KCNQ1OT1: variants seen among roughly 807,000 people sequenced by gnomAD.
KCNQ1OT1 encodes the protein KCNQ1 opposite strand/antisense transcript 1.
chr11:2,652,229 AG>A lies in KCNQ1OT1; in HGVS notation n.47765del. 1 of 398,626 alleles carries A rather than the reference AG, an allele frequency of 2.5e-6. No homozygotes were observed. 24.7% of individuals were successfully genotyped at this position (398,626 alleles called of 1,614,324 possible). On this transcript the variant is annotated non_coding_transcript_exon_variant, in exon 1 of 1. Transcript: ENST00000597346. This position sits in a 1 kb window ranked among gnomAD's most constrained non-coding sequence, Gnocchi z 5.9. ...GGCCTGGAGCCGGATGCTGAGAATG[AG>A]GCCTGCAACTCATTTCCCCATTAAA...
In KCNQ1OT1 at chr11:2,657,588, A is replaced by C; in HGVS notation, n.42407T>G. 2.5e-6 allele frequency: 1 copy of C among 398,630 alleles called. No homozygotes were observed. Among genetic ancestry groups the C allele is most frequent in the Non-Finnish European group, 4.4e-6 (1 of 226,062 alleles). The allele number at this position is 398,630 out of a possible 1,614,324, so 24.7% of individuals were successfully genotyped here. A position where few individuals can be genotyped will look rare whatever the true frequency, so the allele number is the denominator to read the frequency against. On this transcript the variant is annotated non_coding_transcript_exon_variant, in exon 1 of 1. Transcript: ENST00000597346. The surrounding 1 kb of genome is among the most constrained non-coding windows in gnomAD (Gnocchi z 4.8). ...TTAGCATCTTATATAACCATGGTAC[A>C]TTGACCAAAACTAAAAAATTAACAT...
In KCNQ1OT1 at chr11:2,663,041, AG is replaced by A. The variant is rs1849997184; in HGVS notation, n.36953del. Reference sequence around the variant, plus strand: ...CGGGACCCATGGTGCTGGGGGCTGCAGGTGTAACCAGAGAACTGGCAGGGTT... The same window carrying A: ...CGGGACCCATGGTGCTGGGGGCTGCAGTGTAACCAGAGAACTGGCAGGGTT... On this transcript the variant is annotated non_coding_transcript_exon_variant, in exon 1 of 1. Transcript: ENST00000597346. This position sits in a 1 kb window ranked among gnomAD's most constrained non-coding sequence, Gnocchi z 5.2. The A allele has an allele frequency of 5.0e-6, 2 of 398,636 alleles. No homozygotes were observed. The highest frequency in any genetic ancestry group is 2.1e-5 in the African/African-American group (1 of 48,638). 24.7% of individuals were successfully genotyped at this position (398,636 alleles called of 1,614,324 possible). A position where few individuals can be genotyped will look rare whatever the true frequency, so the allele number is the denominator to read the frequency against.
Position 2,682,607 on chromosome 11 carries a change from G to C in KCNQ1OT1, n.17388C>G. ...CCAAGGCTGGTCTGGAGAGTGTAAG[G>C]CTTGAGAGCTCTTCTTCAGGCTCAG... On this transcript the variant is annotated non_coding_transcript_exon_variant, in exon 1 of 1. Coordinates refer to ENST00000597346, the Ensembl canonical transcript of KCNQ1OT1. The surrounding 1 kb of genome is among the most constrained non-coding windows in gnomAD (Gnocchi z 5.8). 1 of 398,546 alleles carries C rather than the reference G, an allele frequency of 2.5e-6. No individual in the cohort carries two copies. Among genetic ancestry groups the C allele is most frequent in the South Asian group, 1.3e-4 (1 of 7,852 alleles). The allele number at this position is 398,546 out of a possible 1,614,324, so 24.7% of individuals were successfully genotyped here. A position where few individuals can be genotyped will look rare whatever the true frequency, so the allele number is the denominator to read the frequency against.
At chr11:2,656,146 C>A (rs777416474) in exon 1 of KCNQ1OT1, 3 of 398,638 alleles carry the variant, frequency 7.5e-6, no homozygotes, top group East Asian at 3.6e-5. Flanking sequence ...CTTCTACATA[C>A]AAGTGATGCA....
chr11:2,628,460 C>T (rs1849295839), exon 1 of KCNQ1OT1: 5 of 398,236 alleles, frequency 1.3e-5, no homozygotes, highest in South Asian at 1.3e-4. Context: ...TATTCAGTCC[C>T]TTGTCCATCT....
chr11:2,645,324 G>A lies in KCNQ1OT1; in HGVS notation n.54671C>T, dbSNP rs1454516161. On this transcript the variant is annotated non_coding_transcript_exon_variant, in exon 1 of 1. Coordinates refer to ENST00000597346, the Ensembl canonical transcript of KCNQ1OT1. The surrounding 1 kb of genome is among the most constrained non-coding windows in gnomAD (Gnocchi z 5.8). Reference sequence around the variant, plus strand: ...CTCAGGTGCCAACAATACTGGATAGGGCAGGGTGATCCCTAGGCCCAGAGA... The same window carrying A: ...CTCAGGTGCCAACAATACTGGATAGAGCAGGGTGATCCCTAGGCCCAGAGA... The A allele has an allele frequency of 5.0e-6, 2 of 398,600 alleles. No individual in the cohort carries two copies. The highest frequency in any genetic ancestry group is 3.6e-5 in the East Asian group (1 of 28,074). The allele number at this position is 398,600 out of a possible 1,614,324, so 24.7% of individuals were successfully genotyped here. A position where few individuals can be genotyped will look rare whatever the true frequency, so the allele number is the denominator to read the frequency against.
At chr11:2,637,096 G>A (rs1045292243) in exon 1 of KCNQ1OT1, 3 of 151,812 alleles carry the variant, frequency 2.0e-5, no homozygotes, top group African/African-American at 7.3e-5. Flanking sequence ...TCTTGCTAGA[G>A]GCCTATCAAT....
exon 1 of KCNQ1OT1, chr11:2,684,465 T>C (rs915076758): frequency 5.0e-5 from 20 of 398,558 alleles, no homozygotes; most frequent in African/African-American, 3.9e-4. Context: ...AAAAAGACTA[T>C]GCTCCAGAAC....
chr11:2,634,140 T>TTC (rs1849411462), exon 1 of KCNQ1OT1: 1 of 397,916 alleles, frequency 2.5e-6, no homozygotes, highest in Non-Finnish European at 4.4e-6. Context: ...TTGGTATTTT[T>TTC]TTTTTTTTAG....
exon 1 of KCNQ1OT1, chr11:2,633,233 T>A: frequency 2.5e-6 from 1 of 398,536 alleles, no homozygotes; most frequent in Non-Finnish European, 4.4e-6. Context: ...AATCAGATAA[T>A]CTGGTGTTTT....
At position 2,695,254 on chromosome 11, in the gene KCNQ1OT1, C is replaced by T; in HGVS notation, n.4741G>A. ...CGCTCTCTTCCTCTCCATGCTTTTCCACTTCATCTCTAGCCTCTATCCTTG... is the reference window on the plus strand; with the variant it reads ...CGCTCTCTTCCTCTCCATGCTTTTCTACTTCATCTCTAGCCTCTATCCTTG... On this transcript the variant is annotated non_coding_transcript_exon_variant, in exon 1 of 1. Coordinates refer to ENST00000597346, the Ensembl canonical transcript of KCNQ1OT1. This position sits in a 1 kb window ranked among gnomAD's most constrained non-coding sequence, Gnocchi z 5.2. The T allele has an allele frequency of 2.5e-6, 1 of 398,660 alleles. No homozygotes were observed. The allele number at this position is 398,660 out of a possible 1,614,324, so 24.7% of individuals were successfully genotyped here. A position where few individuals can be genotyped will look rare whatever the true frequency, so the allele number is the denominator to read the frequency against.
Position 2,673,962 on chromosome 11 carries a change from A to G in KCNQ1OT1, n.26033T>C, listed in dbSNP as rs1350817234. 5 of 112,330 alleles carry G rather than the reference A, an allele frequency of 4.5e-5. No homozygotes were observed. The highest frequency in any genetic ancestry group is 1.2e-4 in the Admixed American group (1 of 8,206). The allele number at this position is 112,330 out of a possible 1,614,324, so 7.0% of individuals were successfully genotyped here. Reference sequence around the variant, plus strand: ...TTCCCCATGAGTGACAGCAGCCACAAGGGGATGCCCAGCATTGGGGGTGGG... The same window carrying G: ...TTCCCCATGAGTGACAGCAGCCACAGGGGGATGCCCAGCATTGGGGGTGGG... On this transcript the variant is annotated non_coding_transcript_exon_variant, in exon 1 of 1. Transcript: ENST00000597346. The surrounding 1 kb of genome is among the most constrained non-coding windows in gnomAD (Gnocchi z 4.5).
chr11:2,682,475 C>CGAGCGAGT lies in KCNQ1OT1; in HGVS notation n.17519_17520insACTCGCTC. On this transcript the variant is annotated non_coding_transcript_exon_variant, in exon 1 of 1. Transcript: ENST00000597346. The surrounding 1 kb of genome is among the most constrained non-coding windows in gnomAD (Gnocchi z 5.8). ...TCACGGACCCTCAGTGAATGTTTGA[C>CGAGCGAGT]GAGTGAGTGAGTGAGTGAGTGAGTG... The CGAGCGAGT allele has an allele frequency of 2.5e-6, 1 of 393,698 alleles. No individual in the cohort carries two copies. 24.4% of individuals were successfully genotyped at this position (393,698 alleles called of 1,614,324 possible). A position where few individuals can be genotyped will look rare whatever the true frequency, so the allele number is the denominator to read the frequency against.
Position 2,658,388 on chromosome 11 carries a change from C to T in KCNQ1OT1, n.41607G>A, listed in dbSNP as rs1257160789. On this transcript the variant is annotated non_coding_transcript_exon_variant, in exon 1 of 1. Coordinates refer to ENST00000597346, the Ensembl canonical transcript of KCNQ1OT1. This position sits in a 1 kb window ranked among gnomAD's most constrained non-coding sequence, Gnocchi z 4.9. The stretch of plus-strand genomic sequence containing the variant: ...AGTATTTATTTTTTGAGTTATAGTC[C>T]AATATTATTTATTTTGTTGCTCAAA... 2.0e-5 allele frequency: 8 copies of T among 398,132 alleles called. No individual in the cohort carries two copies. Among genetic ancestry groups the T allele is most frequent in the East Asian group, 1.4e-4 (4 of 28,068 alleles). 24.7% of individuals were successfully genotyped at this position (398,132 alleles called of 1,614,324 possible).
chr11:2,610,716 CTTTTTTTTTTTTT>C (rs1167505141), exon 1 of KCNQ1OT1: 419 of 228,960 alleles, frequency 1.8e-3, no homozygotes, highest in Middle Eastern at 3.7e-3. Flanking sequence ...TCTTGGTTGG[CTTTTTTTTTTTTT>C]TTTTTTTTTT....
At position 2,679,069 on chromosome 11, in the gene KCNQ1OT1, C is replaced by T; in HGVS notation, n.20926G>A. 1 of 398,674 alleles carries T rather than the reference C, an allele frequency of 2.5e-6. No individual in the cohort carries two copies. Among genetic ancestry groups the T allele is most frequent in the South Asian group, 1.3e-4 (1 of 7,864 alleles). The allele number at this position is 398,674 out of a possible 1,614,324, so 24.7% of individuals were successfully genotyped here. A position where few individuals can be genotyped will look rare whatever the true frequency, so the allele number is the denominator to read the frequency against. The stretch of plus-strand genomic sequence containing the variant: ...CCATACCAACCACCAAAAAAACCCA[C>T]TAACACCATAAAGTGTCATAGCTAG... On this transcript the variant is annotated non_coding_transcript_exon_variant, in exon 1 of 1. Transcript: ENST00000597346. This position sits in a 1 kb window ranked among gnomAD's most constrained non-coding sequence, Gnocchi z 4.8.
At chr11:2,635,398 A>G (rs1227727931) in exon 1 of KCNQ1OT1, 2 of 151,900 alleles carry the variant, frequency 1.3e-5, no homozygotes, top group Non-Finnish European at 2.9e-5. Flanking sequence ...CTTTCTACAT[A>G]TGGCTAGCCA....
chr11:2,674,220 C>T lies in KCNQ1OT1; in HGVS notation n.25775G>A, dbSNP rs1850244975. On this transcript the variant is annotated non_coding_transcript_exon_variant, in exon 1 of 1. Transcript: ENST00000597346. This position sits in a 1 kb window ranked among gnomAD's most constrained non-coding sequence, Gnocchi z 5.9. ...AGCCAGTTGTGGGTTTTTCTTGGGG[C>T]CCAGATAGATGTGAGCAGAGCTGGA... 2.5e-6 allele frequency: 1 copy of T among 398,492 alleles called. No homozygotes were observed. Among genetic ancestry groups the T allele is most frequent in the Non-Finnish European group, 4.4e-6 (1 of 226,152 alleles). The allele number at this position is 398,492 out of a possible 1,614,324, so 24.7% of individuals were successfully genotyped here.
chr11:2,679,758 C>T lies in KCNQ1OT1; in HGVS notation n.20237G>A, dbSNP rs940939356. ...TGGACAGTGATGATGGGAAAATAGT[C>T]CCTGCTGCACACTAGGGCCTGTTAG... is the stretch of plus-strand genomic sequence containing the variant. On this transcript the variant is annotated non_coding_transcript_exon_variant, in exon 1 of 1. Transcript: ENST00000597346. This position sits in a 1 kb window ranked among gnomAD's most constrained non-coding sequence, Gnocchi z 4.8. 2.5e-6 allele frequency: 1 copy of T among 398,510 alleles called. No individual in the cohort carries two copies. The allele number at this position is 398,510 out of a possible 1,614,324, so 24.7% of individuals were successfully genotyped here.
Sources: gnomAD v4.1 joint callset for allele counts on GRCh38, gnomAD v4.1.1 for gene constraint, Gnocchi (gnomAD v3.1) non-coding constraint, MANE v1.5 for transcripts, NCBI Gene and HGNC (gene_info 2026-07-23, HGNC 2026-07-21) for gene names.